The following SPATA6 variants were observed in gnomAD, a reference collection of about 807,000 sequenced individuals.
SPATA6 encodes spermatogenesis-associated protein 6.
In SPATA6, 56 loss-of-function variants were observed where a neutral mutation model predicts 65.3. The ratio of observed to expected loss-of-function variants is 0.86; its 90% confidence interval spans 0.69 to 1.07. The LOEUF (loss-of-function observed/expected upper bound fraction) is 1.07. Among genes scored for constraint, SPATA6 ranks in the 50% least tolerant of loss-of-function variants. The probability of loss-of-function intolerance (pLI) is 0.00; values close to 1 mark genes in which losing one functional copy is unlikely to be tolerated. For missense variants in SPATA6, 590 were observed against 594.8 expected (o/e 0.99, Z 0.08); for synonymous variants, 199 against 213.2 (o/e 0.93, Z 0.58).
intron 3 of SPATA6, among the ~76,000 whole-genome samples, chr1:48,434,259 G>GAAAAAAAAAAAAAAAAAAAAAAA (rs530291772): frequency 9.1e-6 from 1 of 109,894 alleles, no homozygotes; most frequent in African/African-American, 3.8e-5. Context: ...AGCAGTGAAA[G>GAAAAAAAAAAAAAAAAAAAAAAA]AAAAAAAAAA....
At chr1:48,396,738 A>G (rs1318599844) in intron 7 of SPATA6, among the ~76,000 whole-genome samples, 1 of 151,614 alleles carries the variant, frequency 6.6e-6, no homozygotes, top group Non-Finnish European at 1.5e-5. Context: ...AAATAGTAGA[A>G]TGGTAGTGGT....
chr1:48,377,438 A>G (rs1193985960), intron 9 of SPATA6, among the ~76,000 whole-genome samples: 1 of 152,136 alleles, frequency 6.6e-6, no homozygotes, highest in East Asian at 1.9e-4. Flanking sequence ...TCTATTGCAG[A>G]TGCTCTTCCC....
Position 48,380,698 on chromosome 1 carries a change from T to C in SPATA6, c.909+4611A>G, listed in dbSNP as rs377449296. 2.1e-4 allele frequency among the ~76,000 whole-genome samples: 32 copies of C among 152,318 alleles called. No homozygotes were observed. In the South Asian group the frequency reaches 4.1e-3, roughly 20 times the overall value. On this transcript the variant is annotated intron_variant, in intron 9 of 12. Transcript: ENST00000371847. ...TACCAATTATTATCAATAAGCAAGA[T>C]CAATAGGTCCTTGCCATACTGTGTA...
Position 48,413,142 on chromosome 1 carries a change from G to A in SPATA6, c.248C>T (p.Ala83Val). Residue 83 changes from alanine (A) to valine (V), a missense_variant, in exon 4 of 13, where the codon GCA becomes GTA. Transcript: ENST00000371847. ...DVVTQLEYDT[A>V]VFELIQLVPP... ...AACTAGCTGTATCAACTCGAACACT[G>A]CTGTATCATCTAAAAGTTTAAAGAA... 1 of 1,419,324 alleles carries A rather than the reference G, an allele frequency of 7.0e-7. No individual in the cohort carries two copies. The highest frequency in any genetic ancestry group is 9.2e-7 in the Non-Finnish European group (1 of 1,084,578). The allele number at this position is 1,419,324 out of a possible 1,614,324, so 87.9% of individuals were successfully genotyped here. A position where few individuals can be genotyped will look rare whatever the true frequency, so the allele number is the denominator to read the frequency against.
At chr1:48,464,498 A>G (rs1352037356) in intron 1 of SPATA6, among the ~76,000 whole-genome samples, 2 of 152,240 alleles carry the variant, frequency 1.3e-5, no homozygotes, top group Admixed American at 1.3e-4. Context: ...TGCTCATAGG[A>G]GCACAATTTG....
chr1:48,369,536 T>A (rs1448013376), intron 9 of SPATA6, among the ~76,000 whole-genome samples: 1 of 152,204 alleles, frequency 6.6e-6, no homozygotes, highest in African/African-American at 2.4e-5. Context: ...CAGACTGCTG[T>A]GCTAGCAATC....
rs554255873 is a variant in SPATA6, at chr1:48,350,100, C to T, written c.1194+5570G>A. 9.9e-5 allele frequency among the ~76,000 whole-genome samples: 15 copies of T among 151,894 alleles called. No individual in the cohort carries two copies. In the South Asian group the frequency reaches 3.1e-3, roughly 32 times the overall value. On this transcript the variant is annotated intron_variant, in intron 11 of 12. Transcript: ENST00000371847. ...TGAAATGGGAGTTCCTATTATTCCA[C>T]ATCCTTGTCAGCATAATTTTGTTGT...
At chr1:48,443,627 G>T (rs1237560995) in intron 3 of SPATA6, among the ~76,000 whole-genome samples, 1 of 152,170 alleles carries the variant, frequency 6.6e-6, no homozygotes, top group Non-Finnish European at 1.5e-5. Flanking sequence ...ACCTTCTTAG[G>T]GGAAGAGTGC....
At chr1:48,365,497 C>G (rs1417576716) in intron 9 of SPATA6, among the ~76,000 whole-genome samples, 1 of 152,094 alleles carries the variant, frequency 6.6e-6, no homozygotes, top group Non-Finnish European at 1.5e-5. Flanking sequence ...TATAGTTCTC[C>G]TTGAAGAGGT....
At chr1:48,287,127 C>G in the SPATA6 span, among the ~76,000 whole-genome samples, 57 of 151,874 alleles carry the variant, frequency 3.8e-4, no homozygotes, top group Non-Finnish European at 6.6e-4. Flanking sequence ...GGGGAGGCCT[C>G]AGGAAGCTTC....
chr1:48,333,044 G>A (rs1645959696), intron 11 of SPATA6, among the ~76,000 whole-genome samples: 1 of 152,190 alleles, frequency 6.6e-6, no homozygotes, highest in African/African-American at 2.4e-5. Context: ...ACTGAAGGAT[G>A]CAGAGTATTG....
intron 1 of SPATA6, among the ~76,000 whole-genome samples, chr1:48,466,288 T>C (rs1657802129): frequency 6.6e-6 from 1 of 152,088 alleles, no homozygotes. Context: ...GGAAATGAAC[T>C]AGACCTGCAA....
chr1:48,395,438 G>A (rs984988736), intron 7 of SPATA6, 84 bp from the exon 8 acceptor site: 4 of 869,206 alleles, frequency 4.6e-6, no homozygotes, highest in African/African-American at 1.8e-5. Context: ...AACTACTAGA[G>A]TACAGAGAGC....
intron 11 of SPATA6, among the ~76,000 whole-genome samples, chr1:48,330,247 G>A (rs1263486869): frequency 2.6e-5 from 4 of 152,210 alleles, no homozygotes; most frequent in African/African-American, 9.6e-5. Flanking sequence ...CAGCTGGAGG[G>A]TGTAGCCTCC....
rs74886730 is a variant in SPATA6 at position 48,393,469 on chromosome 1, T to C, written c.868+1798A>G. On this transcript the variant is annotated intron_variant, in intron 8 of 12. Coordinates refer to ENST00000371847, the MANE Select transcript of SPATA6 (RefSeq NM_019073.4). ...CATATTAAAGAAAACAAAAGAGGCA[T>C]GGCAGCTGAATGCTATGTATGATGA... is the stretch of plus-strand genomic sequence containing the variant. Among the ~76,000 whole-genome samples, 488 of 152,254 alleles carry C rather than the reference T, an allele frequency of 3.2e-3. 9 individuals are homozygous for C. The East Asian group carries it at 0.064, about 20-fold the overall frequency.
intron 9 of SPATA6, among the ~76,000 whole-genome samples, chr1:48,378,506 T>C (rs1044424719): frequency 6.6e-6 from 1 of 152,144 alleles, no homozygotes; most frequent in African/African-American, 2.4e-5. Context: ...AGAGGTTTAA[T>C]TGGACTTACA....
chr1:48,333,404 G>A (rs533923457), intron 11 of SPATA6, among the ~76,000 whole-genome samples: 18 of 152,230 alleles, frequency 1.2e-4, no homozygotes, highest in African/African-American at 4.3e-4. Context: ...TTGAGATTTT[G>A]GGACTCAGAA....
At chr1:48,292,692 G>A (rs1335870444), downstream of SPATA6, among the ~76,000 whole-genome samples, 3 of 152,272 alleles carry the variant, frequency 2.0e-5, no homozygotes, top group Non-Finnish European at 1.5e-5. Context: ...ACAGTGGTGA[G>A]AGCTGGGTAA....
At chr1:48,436,452 A>C (rs575202817) in intron 3 of SPATA6, 4 of 1,607,784 alleles carry the variant, frequency 2.5e-6, no homozygotes, top group Non-Finnish European at 2.6e-6. Context: ...CTTTAATAAG[A>C]AACATTATCT....
Sources: allele counts gnomAD v4.1 joint callset (sites outside exome capture counted in the v4.1 genomes callset), GRCh38; gene constraint gnomAD v4.1.1; transcripts MANE v1.5; gene names NCBI Gene and HGNC (gene_info 2026-07-23, HGNC 2026-07-21).